The following CCDC88B variants were observed in gnomAD, a reference collection of about 807,000 sequenced individuals.
CCDC88B encodes the protein coiled-coil and HOOK domain protein 88B.
In CCDC88B, 138 loss-of-function variants were observed where a neutral mutation model predicts 183.7. That is an observed-to-expected ratio of 0.75 (90% CI 0.65 to 0.87). CCDC88B has a LOEUF of 0.87. Ranked by LOEUF, CCDC88B falls within the 40% of genes least tolerant of loss-of-function variation. CCDC88B has a pLI of 0.00. For synonymous variants in CCDC88B, 835 were observed against 867.5 expected (o/e 0.96, Z 0.66); for missense variants, 1,822 against 1,965.6 (o/e 0.93, Z 1.38).
At chr11:64,345,299 C>G in intron 14 of CCDC88B, 142 bp downstream of exon 14, 1 of 989,254 alleles carries the variant, frequency 1.0e-6, no homozygotes, top group Non-Finnish European at 1.5e-6. Context: ...CCACCCCTGC[C>G]TTCCAAAGGT....
In CCDC88B at chr11:64,353,340, C is replaced by A; in HGVS notation, c.3688-11C>A. The A allele has an allele frequency of 1.2e-6, 2 of 1,612,544 alleles. No individual in the cohort carries two copies. The highest frequency in any genetic ancestry group is 1.7e-6 in the Non-Finnish European group (2 of 1,179,486). On this transcript the variant is annotated splice_polypyrimidine_tract_variant and intron_variant, in intron 21 of 26. Transcript: ENST00000356786. ...GGTCCCACCCTCCGAGCCATGGTGCCCCCCTGCCAGCTATTGACACAGCTG... is the reference window on the plus strand; with the variant it reads ...GGTCCCACCCTCCGAGCCATGGTGCACCCCTGCCAGCTATTGACACAGCTG...
intron 24 of CCDC88B, among the ~76,000 whole-genome samples, chr11:64,354,840 G>A (rs1205766598): frequency 1.2e-5 from 1 of 83,908 alleles, no homozygotes; most frequent in Non-Finnish European, 2.2e-5. Flanking sequence ...CTCCCTGCAT[G>A]AGCCTCAGCC....
chr11:64,351,990 C>T lies in CCDC88B; in HGVS notation c.3100-140C>T. The T allele has an allele frequency of 3.3e-6, 4 of 1,229,234 alleles. No individual in the cohort carries two copies. The South Asian group carries it at 6.0e-5, about 19-fold the overall frequency. 76.1% of individuals were successfully genotyped at this position (1,229,234 alleles called of 1,614,324 possible). On this transcript the variant is annotated intron_variant, in intron 18 of 26. Transcript: ENST00000356786. The stretch of plus-strand genomic sequence containing the variant: ...CTCTGGCTGGGGCTTGTACTGCCTG[C>T]TGTGCCCCCAGCCCTTTGCCTCCTC...
Position 64,352,809 on chromosome 11 carries a change from G to C in CCDC88B, c.3422G>C (p.Arg1141Pro). 2 of 1,613,210 alleles carry C rather than the reference G, an allele frequency of 1.2e-6. No homozygotes were observed. Among genetic ancestry groups the C allele is most frequent in the Non-Finnish European group, 1.7e-6 (2 of 1,179,890 alleles). ...EAQEVALLAE[R>P]ERLMQDGHRQ... ...CAGGAGGTGGCCCTGCTGGCAGAGC[G>C]TGAACGCCTGATGCAAGATGGGCAT... The change falls in exon 20 of 27, where the codon CGT (arginine) becomes CCT (proline). Residue 1141 changes from arginine to proline, a missense_variant. Coordinates refer to ENST00000356786, the MANE Select transcript of CCDC88B (RefSeq NM_032251.6).
intron 14 of CCDC88B, 134 bp from the exon 15 acceptor site, chr11:64,349,197 T>A: frequency 9.5e-7 from 1 of 1,051,102 alleles, no homozygotes; most frequent in Non-Finnish European, 1.4e-6. Flanking sequence ...GATGGGGAAG[T>A]AGAGCCCAAA....
At position 64,344,316 on chromosome 11, in the gene CCDC88B, C is replaced by A. The variant is rs763868435; in HGVS notation, c.1775C>A (p.Ala592Asp). Reference sequence around the variant, plus strand: ...GAGACACAGGAGTCCCCGGAGAAGGCTGGCCGTAGATCCTCTCTCCAGAGC... The same window carrying A: ...GAGACACAGGAGTCCCCGGAGAAGGATGGCCGTAGATCCTCTCTCCAGAGC... ...PVETQESPEK[A>D]GRRSSLQSPA... Residue 592 changes from alanine to aspartate, a missense_variant, in exon 14 of 27, where the codon GCT (alanine) becomes GAT (aspartate). Transcript: ENST00000356786. The surrounding 1 kb of genome is among the most constrained non-coding windows in gnomAD (Gnocchi z 4.5). The A allele has an allele frequency of 5.6e-6, 9 of 1,613,340 alleles. No homozygotes were observed. The highest frequency in any genetic ancestry group is 7.6e-6 in the Non-Finnish European group (9 of 1,179,882).
At chr11:64,342,726 G>C in intron 10 of CCDC88B, 46 bp downstream of exon 10, 8 of 1,442,712 alleles carry the variant, frequency 5.5e-6, no homozygotes, top group Non-Finnish European at 7.2e-6. Context: ...GCGAGGGGGC[G>C]GGCCAGGAGG....
chr11:64,349,513 G>A lies in CCDC88B; in HGVS notation c.2745-38G>A. The stretch of plus-strand genomic sequence containing the variant: ...GGAGGCAGGGGTGTGGTGGGGCGAG[G>A]GTGGGGTGGGGCTGGGTGCTAAGGA... On this transcript the variant is annotated intron_variant, in intron 15 of 26. Transcript: ENST00000356786. 1.9e-6 allele frequency: 3 copies of A among 1,578,362 alleles called. No individual in the cohort carries two copies. In the African/African-American group the frequency reaches 4.0e-5, roughly 21 times the overall value.
At position 64,343,904 on chromosome 11, in the gene CCDC88B, C is replaced by T. The variant is rs1405480029; in HGVS notation, c.1445C>T (p.Pro482Leu). ...CTGCTTCAGGTGCTTCAGGGGCAGC[C>T]AGGGGGCCAGGTAAGTCCCCTCCCC... ...RGLLQVLQGQ[P>L]GGQHPLLEAP... The change falls in exon 13 of 27, where the codon CCA becomes CTA. Residue 482 changes from proline to leucine, a missense_variant. Transcript: ENST00000356786. 2 of 1,602,618 alleles carry T rather than the reference C, an allele frequency of 1.2e-6. No individual in the cohort carries two copies. Among genetic ancestry groups the T allele is most frequent in the Non-Finnish European group, 1.7e-6 (2 of 1,174,668 alleles).
Position 64,341,148 on chromosome 11 carries a change from C to T in CCDC88B, c.358C>T (p.Leu120Phe), listed in dbSNP as rs779699323. 10 of 1,614,030 alleles carry T rather than the reference C, an allele frequency of 6.2e-6. No individual in the cohort carries two copies. In the South Asian group the frequency reaches 7.7e-5, roughly 12 times the overall value. The change falls in exon 4 of 27, where the codon CTC becomes TTC. Residue 120 changes from leucine (L) to phenylalanine (F), a missense_variant. Coordinates refer to ENST00000356786, the MANE Select transcript of CCDC88B (RefSeq NM_032251.6). The part of the protein sequence containing the change: ...QLLILSPPPD[L>F]QTLGFDPLSE... Reference sequence around the variant, plus strand: ...GCTGATCCTGTCGCCACCCCCAGACCTCCAGACATTGGGATTTGACCCTCT... The same window carrying T: ...GCTGATCCTGTCGCCACCCCCAGACTTCCAGACATTGGGATTTGACCCTCT...
chr11:64,353,520 G>A (rs1276036248), intron 22 of CCDC88B, 24 bp downstream of exon 22: 1 of 1,606,198 alleles, frequency 6.2e-7, no homozygotes, highest in South Asian at 1.1e-5. Flanking sequence ...CTGGGAGCGG[G>A]GTGGGGCCTG....
rs779545438 is a variant in CCDC88B, at chr11:64,355,377, G to C, written c.4283G>C (p.Gly1428Ala). The C allele has an allele frequency of 6.3e-7, 1 of 1,590,718 alleles. No individual in the cohort carries two copies. Among genetic ancestry groups the C allele is most frequent in the East Asian group, 2.3e-5 (1 of 44,246 alleles). ...RFRQRHPGPLGAPVSHSKGPG... is the reference protein window; with the variant it reads ...RFRQRHPGPLAAPVSHSKGPG... ...CGACAGCGCCATCCAGGCCCCCTGG[G>C]GGCGCCCGTCTCCCACAGCAAAGGT... is the stretch of plus-strand genomic sequence containing the variant. The change falls in exon 25 of 27, where the codon GGG becomes GCG. Residue 1428 changes from glycine (G) to alanine (A), a missense_variant. By Grantham distance (60) the Gly-to-Ala change is moderately conservative. Transcript: ENST00000356786.
chr11:64,352,064 G>T (rs528842520), intron 18 of CCDC88B, 66 bp from the exon 19 acceptor site: 54 of 1,509,678 alleles, frequency 3.6e-5, no homozygotes, highest in Non-Finnish European at 4.1e-5. Flanking sequence ...TTAGCCCCCC[G>T]CCTCTCACTC....
chr11:64,342,717 C>T, intron 10 of CCDC88B, 37 bp downstream of exon 10: 2 of 1,434,834 alleles, frequency 1.4e-6, no homozygotes, highest in Middle Eastern at 2.3e-4. Flanking sequence ...GGGGCGTGCG[C>T]GAGGGGGCGG....
At position 64,345,067 on chromosome 11, in the gene CCDC88B, C is replaced by A. The variant is rs933343859; in HGVS notation, c.2526C>A (p.Ala842=). 7 of 1,550,438 alleles carry A rather than the reference C, an allele frequency of 4.5e-6. No individual in the cohort carries two copies. Among genetic ancestry groups the A allele is most frequent in the African/African-American group, 1.4e-5 (1 of 73,780 alleles). ...GSRLRAQSEA[A]EERMQVLESE... is the part of the protein sequence containing the mutation. ...GGCTGCGGGCCCAGTCGGAGGCCGC[C>A]GAGGAACGGATGCAGGTGCTGGAGA... The change falls in exon 14 of 27, where the codon GCC becomes GCA. Residue 842 remains alanine (A), a synonymous_variant. Coordinates refer to ENST00000356786, the MANE Select transcript of CCDC88B (RefSeq NM_032251.6).
In CCDC88B at chr11:64,353,732, T is replaced by C. The variant is rs2036434253; in HGVS notation, c.3851T>C (p.Leu1284Pro). 5.6e-6 allele frequency: 9 copies of C among 1,613,932 alleles called. No individual in the cohort carries two copies. Among genetic ancestry groups the C allele is most frequent in the Non-Finnish European group, 7.6e-6 (9 of 1,179,976 alleles). Reference protein sequence around the residue: ...QREYLDQLNALRREKQKLVEK... With the variant: ...QREYLDQLNAPRREKQKLVEK... ...CCTGCCAGGGACCAGCTTAATGCCC[T>C]GCGCCGCGAGAAGCAGAAGCTCGTG... Residue 1284 changes from leucine (L) to proline (P), a missense_variant, in exon 23 of 27, where the codon CTG becomes CCG. By Grantham distance (98) the Leu-to-Pro change is moderately conservative. Coordinates refer to ENST00000356786, the MANE Select transcript of CCDC88B (RefSeq NM_032251.6).
chr11:64,353,309 G>A, intron 21 of CCDC88B, 42 bp from the exon 22 acceptor site: 1 of 1,604,328 alleles, frequency 6.2e-7, no homozygotes, highest in Non-Finnish European at 8.5e-7. Context: ...AGGTGGTCCT[G>A]AGCTGGGTCC....
Position 64,357,189 on chromosome 11 carries a change from C to T in CCDC88B, c.*95C>T, listed in dbSNP as rs1322971161. The T allele has an allele frequency of 1.4e-6, 2 of 1,456,014 alleles. No individual in the cohort carries two copies. Among genetic ancestry groups the T allele is most frequent in the African/African-American group, 1.4e-5 (1 of 71,836 alleles). The allele number at this position is 1,456,014 out of a possible 1,614,324, so 90.2% of individuals were successfully genotyped here. Reference sequence around the variant, plus strand: ...GCCCAAGAGCTCAGGGAGCCAGGGACCCCAAGGGGAGTCCTTGGACAAGGA... The same window carrying T: ...GCCCAAGAGCTCAGGGAGCCAGGGATCCCAAGGGGAGTCCTTGGACAAGGA... On this transcript the variant is annotated 3_prime_UTR_variant, in exon 27 of 27. Transcript: ENST00000356786.
Position 64,342,685 on chromosome 11 carries a change from G to C in CCDC88B, c.1062+5G>C. The C allele has an allele frequency of 6.8e-7, 1 of 1,475,562 alleles. No homozygotes were observed. Among genetic ancestry groups the C allele is most frequent in the Non-Finnish European group, 8.9e-7 (1 of 1,119,988 alleles). 91.4% of individuals were successfully genotyped at this position (1,475,562 alleles called of 1,614,324 possible). On this transcript the variant is annotated splice_donor_5th_base_variant and intron_variant, in intron 10 of 26. Transcript: ENST00000356786. Reference sequence around the variant, plus strand: ...GCCTACAAGAGTCAGCTGGAGGTGAGGCGGAGACGGAGCCGCGGGGCGGGG... The same window carrying C: ...GCCTACAAGAGTCAGCTGGAGGTGACGCGGAGACGGAGCCGCGGGGCGGGG...
Sources: allele counts gnomAD v4.1 joint callset (sites outside exome capture counted in the v4.1 genomes callset), GRCh38; gene constraint gnomAD v4.1.1; non-coding constraint Gnocchi (gnomAD v3.1); transcripts MANE v1.5; gene names NCBI Gene and HGNC (gene_info 2026-07-23, HGNC 2026-07-21).